Variants in GRID2 observed in about 807,000 individuals in gnomAD.
GRID2 encodes the protein glutamate receptor ionotropic, delta-2.
Under a neutral mutation model 114.8 loss-of-function variants are expected in GRID2, and 33 were observed. The ratio of observed to expected loss-of-function variants is 0.29; its 90% CI spans 0.22 to 0.38. The LOEUF is 0.38. Among genes scored for constraint, GRID2 ranks in the 10% least tolerant of loss-of-function variants. The pLI is 1.00. For synonymous variants in GRID2, 505 were observed against 449.9 expected (o/e 1.12, Z -1.55); for missense variants, 1,184 against 1,257.7 (o/e 0.94, Z 0.89).
chr4:92,744,381 G>A (rs187539435), intron 2 of GRID2, among the ~76,000 whole-genome samples: 4 of 151,804 alleles, frequency 2.6e-5, no homozygotes, highest in African/African-American at 9.7e-5. Flanking sequence ...CTAGCTACTC[G>A]GGAGACTGAG....
At chr4:92,761,511 G>C (rs12644363) in intron 2 of GRID2, among the ~76,000 whole-genome samples, 1 of 152,112 alleles carries the variant, frequency 6.6e-6, no homozygotes, top group East Asian at 1.9e-4. Flanking sequence ...GGCCTCATGG[G>C]TTATTTGAGG....
intron 2 of GRID2, among the ~76,000 whole-genome samples, chr4:92,637,850 A>G (rs1360222267): frequency 1.3e-5 from 2 of 151,978 alleles, no homozygotes; most frequent in East Asian, 3.9e-4. Flanking sequence ...GTCATGGACA[A>G]GAGTCCATGT....
At chr4:93,188,635 A>G (rs1394295563) in intron 4 of GRID2, among the ~76,000 whole-genome samples, 1 of 152,202 alleles carries the variant, frequency 6.6e-6, no homozygotes, top group African/African-American at 2.4e-5. Context: ...TTCATTTGCA[A>G]CATTGCCAGG....
At chr4:93,669,483 CT>C (rs763385675) in intron 14 of GRID2, among the ~76,000 whole-genome samples, 37 of 137,720 alleles carry the variant, frequency 2.7e-4, no homozygotes, top group Admixed American at 1.5e-4. Flanking sequence ...GCTGAAATTC[CT>C]ACATGTACAG....
At chr4:93,485,811 T>C (rs1726333148) in intron 11 of GRID2, among the ~76,000 whole-genome samples, 1 of 151,736 alleles carries the variant, frequency 6.6e-6, no homozygotes, top group African/African-American at 2.4e-5. Context: ...CTGAAGAGTA[T>C]CTTGGCAATT....
intron 5 of GRID2, among the ~76,000 whole-genome samples, chr4:93,211,873 T>A (rs1743519895): frequency 6.6e-6 from 1 of 152,188 alleles, no homozygotes; most frequent in Non-Finnish European, 1.5e-5. Context: ...GGCTGGTATA[T>A]CCAAAATCAA....
intron 1 of GRID2, among the ~76,000 whole-genome samples, chr4:93,784,071 CAAAAAAAAA>C (rs70942993): frequency 2.6e-5 from 1 of 38,988 alleles, no homozygotes; most frequent in South Asian, 1.7e-3. Flanking sequence ...GACTCCGTCT[CAAAAAAAAA>C]AAAAAAAAAA....
At chr4:93,528,101 A>G (rs1474218020) in intron 13 of GRID2, among the ~76,000 whole-genome samples, 2 of 152,040 alleles carry the variant, frequency 1.3e-5, no homozygotes, top group East Asian at 1.9e-4. Context: ...ATATATGTGT[A>G]TATATGTGTA....
At chr4:92,319,999 G>A (rs1364745939) in intron 1 of GRID2, among the ~76,000 whole-genome samples, 2 of 152,178 alleles carry the variant, frequency 1.3e-5, no homozygotes, top group Non-Finnish European at 2.9e-5. Flanking sequence ...TGTTGCTTAG[G>A]AGAGAGGTGA....
At chr4:92,659,525 G>A (rs539885868) in intron 2 of GRID2, among the ~76,000 whole-genome samples, 1 of 151,458 alleles carries the variant, frequency 6.6e-6, no homozygotes, top group Non-Finnish European at 1.5e-5. Flanking sequence ...CAAGATTGTT[G>A]CATGAAATGA....
In GRID2 at chr4:92,854,493, CAT is replaced by C. The variant is rs568917690; in HGVS notation, c.245-230501_245-230500del. On this transcript the variant is annotated intron_variant, in intron 2 of 15. Coordinates refer to ENST00000282020, the MANE Select transcript of GRID2 (RefSeq NM_001510.4). ...AATGAGAACAGCTAATTTAATTATA[CAT>C]GTTTCGAACACTGCAATTTCTGGAG... Among the ~76,000 whole-genome samples, 214 of 151,618 alleles carry C rather than the reference CAT, an allele frequency of 1.4e-3. 2 individuals are homozygous for C. The highest frequency in any genetic ancestry group is 4.9e-3 in the African/African-American group (202 of 41,378).
chr4:93,474,235 T>A (rs933683306), intron 11 of GRID2, among the ~76,000 whole-genome samples: 1 of 152,136 alleles, frequency 6.6e-6, no homozygotes, highest in Non-Finnish European at 1.5e-5. Context: ...TTAAGATATG[T>A]AGAATCACAG....
intron 2 of GRID2, among the ~76,000 whole-genome samples, chr4:92,931,433 T>C (rs746904748): frequency 3.8e-4 from 57 of 151,056 alleles, no homozygotes; most frequent in Non-Finnish European, 7.7e-4. Context: ...GCAAGATCTC[T>C]TCCTACTCCT....
At chr4:93,748,409 G>C (rs1732031016) in intron 14 of GRID2, among the ~76,000 whole-genome samples, 1 of 152,112 alleles carries the variant, frequency 6.6e-6, no homozygotes, top group East Asian at 1.9e-4. Context: ...CATTCAGAAA[G>C]ATTCATAAGA....
chr4:93,632,563 T>G (rs1721018404), intron 14 of GRID2, among the ~76,000 whole-genome samples: 1 of 152,212 alleles, frequency 6.6e-6, no homozygotes, highest in African/African-American at 2.4e-5. Flanking sequence ...TCTGTTCTGT[T>G]CCATTGGTCT....
At position 93,431,544 on chromosome 4, in the gene GRID2, T is replaced by C. The variant is rs905872177; in HGVS notation, c.1545+8576T>C. ...CACTAGATTGGCCATTTGGGAGTTG[T>C]TGGTTACCCAAGCCAGAACTCTTTT... is the stretch of plus-strand genomic sequence containing the variant. On this transcript the variant is annotated intron_variant, in intron 10 of 15. Coordinates refer to ENST00000282020, the MANE Select transcript of GRID2 (RefSeq NM_001510.4). Among the ~76,000 whole-genome samples the C allele has an allele frequency of 6.6e-5, 10 of 152,286 alleles. No homozygotes were observed. The East Asian group carries it at 1.7e-3, about 26-fold the overall frequency.
At chr4:93,545,790 C>CA (rs976560653) in intron 13 of GRID2, among the ~76,000 whole-genome samples, 2 of 151,496 alleles carry the variant, frequency 1.3e-5, no homozygotes, top group African/African-American at 2.4e-5. Context: ...TATTATACCA[C>CA]AAAAAAATAT....
chr4:93,254,582 A>T (rs374853434), intron 8 of GRID2, among the ~76,000 whole-genome samples: 32 of 152,154 alleles, frequency 2.1e-4, no homozygotes, highest in Admixed American at 1.4e-3. Flanking sequence ...TCTTCTTTTG[A>T]TTCTTTCAAG....
intron 2 of GRID2, among the ~76,000 whole-genome samples, chr4:92,916,775 G>A (rs897424928): frequency 6.6e-6 from 1 of 152,136 alleles, no homozygotes; most frequent in Non-Finnish European, 1.5e-5. Context: ...GGACATTTGG[G>A]TTGGTTCCAA....
Sources: gnomAD v4.1 joint callset for allele counts (sites outside exome capture counted in the v4.1 genomes callset) on GRCh38, gnomAD v4.1.1 for gene constraint, MANE v1.5 for transcripts, NCBI Gene and HGNC (gene_info 2026-07-23, HGNC 2026-07-21) for gene names.